POM121C: variants seen among roughly 807,000 people sequenced by gnomAD.
POM121C encodes the protein nuclear envelope pore membrane protein POM 121C.
A neutral mutation model predicts 66.4 loss-of-function variants in POM121C; 20 were observed. That is an observed-to-expected ratio of 0.30 (90% CI 0.21 to 0.44). The LOEUF is 0.44. Among genes scored for constraint, POM121C ranks in the 20% least tolerant of loss-of-function variants. The pLI, the probability that POM121C is intolerant of heterozygous loss-of-function variation, is 1.00. For synonymous variants in POM121C, 286 were observed against 528.0 expected, an observed-to-expected ratio of 0.54 and a Z score of 6.28; for missense variants, 580 against 1,225.7, an observed-to-expected ratio of 0.47 and a Z score of 7.87.
chr7:75,424,153 G>A lies in POM121C; in HGVS notation c.944C>T (p.Ala315Val). The change falls in exon 12 of 15, where the codon GCT (alanine) becomes GTT (valine). Residue 315 changes from alanine to valine, a missense_variant. Transcript: ENST00000615331. ...QPSFTFTLPA[A>V]ATASPPTSLL... Reference sequence around the variant, plus strand: ...GGAGGTGGGTGGGGAGGCAGTTGCAGCAGCAGGCAGGGTAAAGGTAAATGA... The same window carrying A: ...GGAGGTGGGTGGGGAGGCAGTTGCAACAGCAGGCAGGGTAAAGGTAAATGA... The A allele has an allele frequency of 1.2e-6, 2 of 1,612,042 alleles. No homozygotes were observed. The highest frequency in any genetic ancestry group is 1.1e-5 in the South Asian group (1 of 90,988).
intron 7 of POM121C, among the ~76,000 whole-genome samples, chr7:75,434,996 C>T (rs1790348987): frequency 6.6e-6 from 1 of 152,158 alleles, no homozygotes; most frequent in Non-Finnish European, 1.5e-5. Flanking sequence ...CTGAGTGGTA[C>T]ATGCCCTGTA....
chr7:75,466,338 G>C (rs1446405218), intron 3 of POM121C, among the ~76,000 whole-genome samples: 1 of 151,758 alleles, frequency 6.6e-6, no homozygotes, highest in African/African-American at 2.4e-5. Context: ...GGGAGGGGTG[G>C]CTCACACCTC....
rs1198891003 is a variant in POM121C, at chr7:75,442,578, G to A, written c.-151-931C>T. ...GCCAGCGCAGCCGCAGCAGGCACGA[G>A]GTACAGTAGGAGGCCGACCAGCGAC... On this transcript the variant is annotated intron_variant, in intron 3 of 14. Coordinates refer to ENST00000615331, the MANE Select transcript of POM121C (RefSeq NM_001099415.3). 3.3e-6 allele frequency: 5 copies of A among 1,495,284 alleles called. No individual in the cohort carries two copies. In the African/African-American group the frequency reaches 7.3e-5, roughly 22 times the overall value. The allele number at this position is 1,495,284 out of a possible 1,614,324, so 92.6% of individuals were successfully genotyped here. A position where few individuals can be genotyped will look rare whatever the true frequency, so the allele number is the denominator to read the frequency against.
At chr7:75,477,898 A>C (rs1457338484) in intron 1 of POM121C, among the ~76,000 whole-genome samples, 1 of 152,196 alleles carries the variant, frequency 6.6e-6, no homozygotes, top group Non-Finnish European at 1.5e-5. Flanking sequence ...GAACAACAAA[A>C]TCAAAAACAG....
intron 3 of POM121C, chr7:75,442,710 C>T (rs1273753325): frequency 3.0e-5 from 42 of 1,377,564 alleles, no homozygotes; most frequent in Non-Finnish European, 3.6e-5. Flanking sequence ...GCCGCAGCCG[C>T]CGGAGACATC....
chr7:75,437,605 G>A lies in POM121C; in HGVS notation c.390C>T (p.Ser130=). The change falls in exon 7 of 15, where the codon AGC becomes AGT. Residue 130 remains serine, a synonymous_variant. Transcript: ENST00000615331. The part of the protein sequence containing the change: ...LNKRSRSSSM[S]SLTGAYTSGI... ...CACTTGTGTAAGCGCCTGTCAAGGA[G>A]CTCATGGAAGAGCTTCGGGATCTCT... 6.2e-7 allele frequency: 1 copy of A among 1,613,982 alleles called. No homozygotes were observed. Among genetic ancestry groups the A allele is most frequent in the Non-Finnish European group, 8.5e-7 (1 of 1,179,868 alleles).
chr7:75,475,449 GC>G (rs1237182964), intron 1 of POM121C, among the ~76,000 whole-genome samples: 5 of 152,016 alleles, frequency 3.3e-5, no homozygotes, highest in Non-Finnish European at 5.9e-5. Context: ...GAAACACCAT[GC>G]CTGCTCTCAG....
chr7:75,452,869 G>A (rs2116452956), intron 3 of POM121C, among the ~76,000 whole-genome samples: 1 of 152,304 alleles, frequency 6.6e-6, no homozygotes, highest in East Asian at 1.9e-4. Flanking sequence ...CCACCTGTAA[G>A]TAAAAAGTGT....
intron 1 of POM121C, among the ~76,000 whole-genome samples, chr7:75,476,053 G>A (rs1792060547): frequency 1.3e-5 from 2 of 152,170 alleles, no homozygotes; most frequent in African/African-American, 4.8e-5. Context: ...GACGAGATGG[G>A]AAGATCGTTT....
At chr7:75,477,110 T>TACGCACACACAC (rs1554479484) in intron 1 of POM121C, among the ~76,000 whole-genome samples, 1 of 140,590 alleles carries the variant, frequency 7.1e-6, no homozygotes, top group African/African-American at 2.6e-5. Flanking sequence ...TTTGCGTGTA[T>TACGCACACACAC]ACACACACAC....
rs1554470160 is a variant in POM121C at position 75,418,803 on chromosome 7, T to C, written c.2957A>G (p.Lys986Arg). Residue 986 changes from lysine to arginine, a missense_variant, in exon 15 of 15, where the codon AAA (lysine) becomes AGA (arginine). Lys to Arg is a conservative substitution (Grantham distance 26). Transcript: ENST00000615331. Reference sequence around the variant, plus strand: ...AGGGACAGGGGACAAAGGCTACTTTTTGCGGGTGTGCTGCCTTCGGGCCTG... The same window carrying C: ...AGGGACAGGGGACAAAGGCTACTTTCTGCGGGTGTGCTGCCTTCGGGCCTG... Reference protein sequence around the residue: ...RLQARRQHTRKK With the variant: ...RLQARRQHTRRK The C allele has an allele frequency of 3.7e-6, 6 of 1,609,656 alleles. No homozygotes were observed. The Admixed American group carries it at 8.4e-5, about 23-fold the overall frequency.
Position 75,421,268 on chromosome 7 carries a change from G to A in POM121C, c.2743+241C>T, listed in dbSNP as rs1362914150. 11 of 1,212,088 alleles carry A rather than the reference G, an allele frequency of 9.1e-6. No individual in the cohort carries two copies. In the Admixed American group the frequency reaches 1.8e-4, roughly 20 times the overall value. The allele number at this position is 1,212,088 out of a possible 1,614,324, so 75.1% of individuals were successfully genotyped here. ...TGGGATTACAAGCATGAGCCACTGCGCCCAACCTTCAGCTTACAATTGTTA... is the reference window on the plus strand; with the variant it reads ...TGGGATTACAAGCATGAGCCACTGCACCCAACCTTCAGCTTACAATTGTTA... On this transcript the variant is annotated intron_variant, in intron 13 of 14. Coordinates refer to ENST00000615331, the MANE Select transcript of POM121C (RefSeq NM_001099415.3).
At chr7:75,424,734 G>C (rs1789867501) in intron 10 of POM121C, 106 bp from the exon 11 acceptor site, 3 of 1,468,568 alleles carry the variant, frequency 2.0e-6, no homozygotes, top group Admixed American at 3.4e-5. Flanking sequence ...CAAGCCAGCT[G>C]GATCACTTGA....
intron 3 of POM121C, among the ~76,000 whole-genome samples, chr7:75,467,664 C>T (rs1334652369): frequency 6.6e-6 from 1 of 151,442 alleles, no homozygotes; most frequent in African/African-American, 2.4e-5. Flanking sequence ...TGGCAGTTAA[C>T]ATTTTTCCAC....
chr7:75,426,797 CAAAAAAAA>C (rs543569250), intron 7 of POM121C, among the ~76,000 whole-genome samples: 19 of 61,108 alleles, frequency 3.1e-4, no homozygotes, highest in South Asian at 7.5e-4. Flanking sequence ...GACCCTGTCT[CAAAAAAAA>C]AAAAAAAAAA....
rs1789580394 is a variant in POM121C at position 75,418,935 on chromosome 7, T to C, written c.2867-42A>G. ...AGACCTCATCAGGGCAGCTGCTACCTGAGACTCTGGCTCTGGGTGCCCAAA... is the reference window on the plus strand; with the variant it reads ...AGACCTCATCAGGGCAGCTGCTACCCGAGACTCTGGCTCTGGGTGCCCAAA... On this transcript the variant is annotated intron_variant, in intron 14 of 14. Coordinates refer to ENST00000615331, the MANE Select transcript of POM121C (RefSeq NM_001099415.3). 4 of 1,546,870 alleles carry C rather than the reference T, an allele frequency of 2.6e-6. No homozygotes were observed. The Admixed American group carries it at 6.4e-5, about 25-fold the overall frequency.
chr7:75,434,134 C>T (rs1313163176), intron 7 of POM121C, among the ~76,000 whole-genome samples: 1 of 152,206 alleles, frequency 6.6e-6, no homozygotes, highest in Non-Finnish European at 1.5e-5. Context: ...ATAGGAAAAA[C>T]TCTTGAACGT....
rs1554470851 is a variant in POM121C, at chr7:75,422,188, G to A, written c.2064C>T (p.Gly688=). 6.2e-7 allele frequency: 1 copy of A among 1,609,832 alleles called. No individual in the cohort carries two copies. The highest frequency in any genetic ancestry group is 1.3e-5 in the African/African-American group (1 of 74,820). The change falls in exon 13 of 15, where the codon GGC becomes GGT. Residue 688 remains glycine (G), a synonymous_variant. Coordinates refer to ENST00000615331, the MANE Select transcript of POM121C (RefSeq NM_001099415.3). The part of the protein sequence containing the change: ...TSTPTFNIPF[G]SSAKSPLPSY... Reference sequence around the variant, plus strand: ...ATGGGAGCGGGGACTTGGCGCTTGAGCCAAAGGGAATGTTGAACGTGGGGG... The same window carrying A: ...ATGGGAGCGGGGACTTGGCGCTTGAACCAAAGGGAATGTTGAACGTGGGGG...
chr7:75,447,973 G>A (rs1790882209), intron 3 of POM121C, among the ~76,000 whole-genome samples: 1 of 150,070 alleles, frequency 6.7e-6, no homozygotes, highest in Admixed American at 6.7e-5. Context: ...GCAGTGAGCC[G>A]AGATCGCGCC....
Sources: gnomAD v4.1 joint callset for allele counts (sites outside exome capture counted in the v4.1 genomes callset) on GRCh38, gnomAD v4.1.1 for gene constraint, MANE v1.5 for transcripts, NCBI Gene and HGNC (gene_info 2026-07-23, HGNC 2026-07-21) for gene names.